NFATC1: variants seen among roughly 807,000 people sequenced by gnomAD.
The protein encoded by NFATC1 is nuclear factor of activated T-cells, cytoplasmic 1.
A neutral mutation model predicts 76.0 loss-of-function variants in NFATC1; 22 were observed. The ratio of observed to expected loss-of-function variants is 0.29; its 90% CI spans 0.21 to 0.41. The LOEUF is 0.41. NFATC1 is among the 10% of genes least tolerant of loss of function. The probability of loss-of-function intolerance (pLI) is 1.00; values close to 1 mark genes in which losing one functional copy is unlikely to be tolerated. For synonymous variants in NFATC1, 704 were observed against 613.1 expected (o/e 1.15, Z -2.19); for missense variants, 1,357 against 1,337.7 (o/e 1.01, Z -0.23).
intron 3 of NFATC1, among the ~76,000 whole-genome samples, chr18:79,444,813 G>T (rs114218158): frequency 6.6e-6 from 1 of 152,048 alleles, no homozygotes; most frequent in Admixed American, 6.5e-5. Context: ...GCCTGCACAC[G>T]CACACTTCTG....
chr18:79,486,953 C>A lies in NFATC1; in HGVS notation c.2782+16C>A, dbSNP rs1214720235. The A allele has an allele frequency of 6.3e-7, 1 of 1,576,526 alleles. No individual in the cohort carries two copies. The highest frequency in any genetic ancestry group is 8.6e-7 in the Non-Finnish European group (1 of 1,157,994). ...CTGGATGACGGTGAGTGCCCGCAGC[C>A]ATGCAGGTGTGTGCCCCGCCTGGCG... is the stretch of plus-strand genomic sequence containing the variant. On this transcript the variant is annotated intron_variant, in intron 9 of 9. Coordinates refer to ENST00000427363, the MANE Select transcript of NFATC1 (RefSeq NM_001278669.2).
In NFATC1 at chr18:79,451,959, G is replaced by T. The variant is rs934580204; in HGVS notation, c.1903+143G>T. 6.1e-6 allele frequency: 6 copies of T among 975,650 alleles called. No individual in the cohort carries two copies. The East Asian group carries it at 1.8e-4, about 29-fold the overall frequency. 60.4% of individuals were successfully genotyped at this position (975,650 alleles called of 1,614,324 possible). On this transcript the variant is annotated intron_variant, in intron 6 of 9. Transcript: ENST00000427363. ...GTGGCACGGAGCAGAGGCTCTGCGT[G>T]GCCCGTGTCTGCATCCGGCTGTGGG... is the stretch of plus-strand genomic sequence containing the variant.
Position 79,483,632 on chromosome 18 carries a change from T to C in NFATC1, c.2093-2616T>C, listed in dbSNP as rs374516795. Among the ~76,000 whole-genome samples the C allele has an allele frequency of 5.5e-4, 59 of 106,940 alleles. 1 individual carries two copies. The highest frequency in any genetic ancestry group is 1.7e-3 in the African/African-American group (45 of 26,584). The allele number at this position is 106,940 out of a possible 152,430, so 70.2% of individuals were successfully genotyped here. A position where few individuals can be genotyped will look rare whatever the true frequency, so the allele number is the denominator to read the frequency against. On this transcript the variant is annotated intron_variant, in intron 8 of 9. Transcript: ENST00000427363. ...TGACCTCGTTCCTGGGGCGTCACTC[T>C]GGCGTGACCTGGTCCTGGGGTGTAA...
intron 3 of NFATC1, among the ~76,000 whole-genome samples, chr18:79,434,097 A>G (rs3786183): frequency 0.26 from 39,623 of 152,040 alleles, 5,542 homozygotes; most frequent in African/African-American, 0.37. Context: ...CTGGTGGGGG[A>G]CCCTCAGAAA....
chr18:79,436,676 G>A (rs1012865350), intron 3 of NFATC1, among the ~76,000 whole-genome samples: 5 of 152,324 alleles, frequency 3.3e-5, no homozygotes, highest in South Asian at 2.1e-4. Context: ...GTTAGGAAAG[G>A]GTGTTTGCTC....
chr18:79,487,191 C>T (rs1357553382), intron 9 of NFATC1, among the ~76,000 whole-genome samples: 1 of 152,216 alleles, frequency 6.6e-6, no homozygotes, highest in Non-Finnish European at 1.5e-5. Flanking sequence ...GCTGCAGATC[C>T]TCCTGCGAGA....
At chr18:79,523,272 G>A (rs572134170) in intron 9 of NFATC1, among the ~76,000 whole-genome samples, 75 of 152,348 alleles carry the variant, frequency 4.9e-4, no homozygotes, top group African/African-American at 1.8e-3. Flanking sequence ...AGGCAGCAAG[G>A]GGGCAAAATA....
chr18:79,491,800 G>A (rs1415606357), intron 9 of NFATC1, among the ~76,000 whole-genome samples: 1 of 152,172 alleles, frequency 6.6e-6, no homozygotes, highest in Non-Finnish European at 1.5e-5. Flanking sequence ...ACAGGCCAGC[G>A]TCTGGGATGT....
intron 2 of NFATC1, among the ~76,000 whole-genome samples, chr18:79,425,837 G>A (rs2086308985): frequency 6.6e-6 from 1 of 152,230 alleles, no homozygotes; most frequent in African/African-American, 2.4e-5. Flanking sequence ...TGAGAGCAGA[G>A]CAAAGTTTCT....
intron 1 of NFATC1, among the ~76,000 whole-genome samples, chr18:79,401,976 A>G (rs2085276670): frequency 6.6e-6 from 1 of 152,096 alleles, no homozygotes. Flanking sequence ...TTGAAGAAGC[A>G]CAGGGGGTAG....
rs755608667 is a variant in NFATC1, at chr18:79,528,122, G to C, written c.*545G>C. On this transcript the variant is annotated 3_prime_UTR_variant, in exon 10 of 10. Transcript: ENST00000427363. The stretch of plus-strand genomic sequence containing the variant: ...CTCCAACATTTGGAACGTTTCCTGG[G>C]CTGTCACGTACACTCCTGCTGCCTT... 11 of 397,772 alleles carry C rather than the reference G, an allele frequency of 2.8e-5. No individual in the cohort carries two copies. Among genetic ancestry groups the C allele is most frequent in the Non-Finnish European group, 2.2e-5 (5 of 226,094 alleles). The allele number at this position is 397,772 out of a possible 1,614,324, so 24.6% of individuals were successfully genotyped here.
At chr18:79,431,021 G>T (rs2086570949) in intron 2 of NFATC1, among the ~76,000 whole-genome samples, 1 of 152,214 alleles carries the variant, frequency 6.6e-6, no homozygotes. Flanking sequence ...CCTCACGTGG[G>T]AAACAGCTCT....
At chr18:79,440,102 T>C (rs1321193948) in intron 3 of NFATC1, among the ~76,000 whole-genome samples, 2 of 151,248 alleles carry the variant, frequency 1.3e-5, no homozygotes, top group African/African-American at 4.9e-5. Flanking sequence ...GCCATTGGAG[T>C]GGGGGTGTGC....
At chr18:79,522,697 C>T (rs1240062437) in intron 9 of NFATC1, among the ~76,000 whole-genome samples, 2 of 152,212 alleles carry the variant, frequency 1.3e-5, no homozygotes, top group Middle Eastern at 3.4e-3. Context: ...ACAGGGAGGA[C>T]CAGAGAGGGA....
intron 1 of NFATC1, among the ~76,000 whole-genome samples, chr18:79,408,159 G>A (rs1162781678): frequency 6.6e-6 from 1 of 152,196 alleles, no homozygotes; most frequent in African/African-American, 2.4e-5. Flanking sequence ...CAGTGGGTTT[G>A]TATTGGTATT....
At chr18:79,463,218 A>G (rs971110094) in intron 7 of NFATC1, among the ~76,000 whole-genome samples, 2 of 152,142 alleles carry the variant, frequency 1.3e-5, no homozygotes, top group Non-Finnish European at 2.9e-5. Flanking sequence ...TGGCACTCAC[A>G]GGGTTCCAGT....
intron 4 of NFATC1, 112 bp downstream of exon 4, chr18:79,449,096 A>G: frequency 9.4e-7 from 1 of 1,060,888 alleles, no homozygotes; most frequent in South Asian, 1.6e-5. Flanking sequence ...CTGCGTGGCC[A>G]GGACACTTTT....
intron 1 of NFATC1, chr18:79,400,572 AC>A: frequency 8.8e-7 from 1 of 1,134,954 alleles, no homozygotes; most frequent in Non-Finnish European, 1.1e-6. Flanking sequence ...CTCCCCGGGG[AC>A]CCCAGGAGTC....
At chr18:79,427,147 C>T (rs889260450) in intron 2 of NFATC1, among the ~76,000 whole-genome samples, 3 of 152,182 alleles carry the variant, frequency 2.0e-5, no homozygotes, top group Non-Finnish European at 2.9e-5. Flanking sequence ...TGCAGCCCTT[C>T]GTGTACCCAC....
Sources: allele counts gnomAD v4.1 joint callset (sites outside exome capture counted in the v4.1 genomes callset), GRCh38; gene constraint gnomAD v4.1.1; transcripts MANE v1.5; gene names NCBI Gene and HGNC (gene_info 2026-07-23, HGNC 2026-07-21).